CPQ: variants seen among roughly 807,000 people sequenced by gnomAD.
The protein encoded by CPQ is Ser-Met dipeptidase.
In CPQ, 37 loss-of-function variants were observed where a neutral mutation model predicts 45.7. That is an observed-to-expected ratio of 0.81 (90% CI 0.62 to 1.07). CPQ has a LOEUF of 1.07. Ranked by LOEUF, CPQ falls within the 50% of genes least tolerant of loss-of-function variation. The probability of loss-of-function intolerance (pLI) is 0.00; values close to 1 mark genes in which losing one functional copy is unlikely to be tolerated. For synonymous variants in CPQ, 186 were observed against 205.8 expected, an observed-to-expected ratio of 0.90 and a Z score of 0.82; for missense variants, 537 against 572.9, an observed-to-expected ratio of 0.94 and a Z score of 0.64.
chr8:97,119,145 A>G (rs768020905), intron 7 of CPQ, among the ~76,000 whole-genome samples: 3 of 152,048 alleles, frequency 2.0e-5, no homozygotes, highest in Non-Finnish European at 4.4e-5. Context: ...CCTGGCCAAC[A>G]TGGTGAAACC....
chr8:97,121,985 G>A (rs1281274138), intron 7 of CPQ, among the ~76,000 whole-genome samples: 1 of 152,000 alleles, frequency 6.6e-6, no homozygotes, highest in Non-Finnish European at 1.5e-5. Context: ...AGATAAAAAG[G>A]CTCTTGTAAA....
chr8:96,847,270 G>A (rs745509175), intron 3 of CPQ, among the ~76,000 whole-genome samples: 21 of 152,118 alleles, frequency 1.4e-4, no homozygotes, highest in African/African-American at 4.1e-4. Context: ...TTTAACATCC[G>A]TTGATGACCC....
At chr8:96,762,639 C>T (rs537109300) in intron 1 of CPQ, among the ~76,000 whole-genome samples, 3 of 152,270 alleles carry the variant, frequency 2.0e-5, no homozygotes, top group Non-Finnish European at 4.4e-5. Context: ...TCCCAAGAAG[C>T]TCTGCTTATG....
intron 1 of CPQ, among the ~76,000 whole-genome samples, chr8:96,706,618 G>T (rs1161375015): frequency 1.3e-5 from 2 of 152,154 alleles, no homozygotes; most frequent in African/African-American, 4.8e-5. Context: ...ACAGCTTAAT[G>T]TTAAAATGGG....
At chr8:97,093,818 A>G (rs2130569629) in intron 7 of CPQ, among the ~76,000 whole-genome samples, 1 of 152,284 alleles carries the variant, frequency 6.6e-6, no homozygotes, top group Middle Eastern at 3.4e-3. Context: ...TCCGCTATTC[A>G]TTTGCCTTCT....
At chr8:96,846,437 T>C (rs1466585308) in intron 3 of CPQ, among the ~76,000 whole-genome samples, 2 of 152,180 alleles carry the variant, frequency 1.3e-5, no homozygotes, top group Non-Finnish European at 2.9e-5. Flanking sequence ...TTTCCCATCT[T>C]TTGTGTCATA....
intron 6 of CPQ, among the ~76,000 whole-genome samples, chr8:97,053,297 A>G (rs1317771706): frequency 1.3e-5 from 2 of 152,208 alleles, no homozygotes. Context: ...AATAAATTGG[A>G]TAAATAAGTA....
At chr8:96,724,133 A>T (rs1586374055) in intron 1 of CPQ, among the ~76,000 whole-genome samples, 1 of 151,686 alleles carries the variant, frequency 6.6e-6, no homozygotes, top group East Asian at 1.9e-4. Flanking sequence ...ATCTGTATGC[A>T]TTCTCTCTCT....
intron 3 of CPQ, among the ~76,000 whole-genome samples, chr8:96,843,111 T>C (rs893176152): frequency 6.6e-6 from 1 of 152,152 alleles, no homozygotes; most frequent in Non-Finnish European, 1.5e-5. Context: ...GTCACCATGT[T>C]GGCCAGGCTG....
intron 4 of CPQ, among the ~76,000 whole-genome samples, chr8:96,897,535 T>C (rs78572146): frequency 6.8e-4 from 104 of 152,290 alleles, no homozygotes; most frequent in Non-Finnish European, 1.2e-3. Flanking sequence ...TGACCTCACA[T>C]GTTGGGTCAC....
At chr8:96,826,933 C>A (rs372667492) in intron 2 of CPQ, among the ~76,000 whole-genome samples, 1 of 151,988 alleles carries the variant, frequency 6.6e-6, no homozygotes. Flanking sequence ...TCCAGCTCCA[C>A]CCATGACCCT....
intron 7 of CPQ, among the ~76,000 whole-genome samples, chr8:97,109,427 T>C (rs1811463847): frequency 6.6e-6 from 1 of 152,148 alleles, no homozygotes; most frequent in Non-Finnish European, 1.5e-5. Flanking sequence ...GTTGAGACAT[T>C]GGAGGATGTC....
At chr8:97,128,821 C>T (rs537177906) in intron 7 of CPQ, among the ~76,000 whole-genome samples, 96 of 152,322 alleles carry the variant, frequency 6.3e-4, no homozygotes, top group Non-Finnish European at 1.3e-3. Flanking sequence ...AGAAAAGGCT[C>T]AACAGCCATA....
chr8:96,844,355 T>C (rs960172382), intron 3 of CPQ, among the ~76,000 whole-genome samples: 9 of 152,338 alleles, frequency 5.9e-5, no homozygotes, highest in South Asian at 4.1e-4. Flanking sequence ...AAATGACCCA[T>C]TGGCCTCTTT....
At chr8:97,046,073 C>A (rs1810250635) in intron 6 of CPQ, among the ~76,000 whole-genome samples, 1 of 152,168 alleles carries the variant, frequency 6.6e-6, no homozygotes, top group African/African-American at 2.4e-5. Context: ...CTTACTTGAT[C>A]ATTCCTGAGT....
intron 2 of CPQ, among the ~76,000 whole-genome samples, chr8:96,809,188 A>G (rs1455185648): frequency 6.6e-6 from 1 of 151,920 alleles, no homozygotes; most frequent in East Asian, 1.9e-4. Context: ...CTATATATAT[A>G]ATATACATAT....
intron 2 of CPQ, among the ~76,000 whole-genome samples, chr8:96,815,091 T>G (rs1811210203): frequency 6.6e-6 from 1 of 152,026 alleles, no homozygotes; most frequent in Non-Finnish European, 1.5e-5. Context: ...TCAAAATTGA[T>G]TGTGGTGATG....
chr8:96,854,816 C>T (rs576888659), intron 3 of CPQ, among the ~76,000 whole-genome samples: 55 of 152,172 alleles, frequency 3.6e-4, no homozygotes, highest in Non-Finnish European at 3.8e-4. Context: ...TAATTCCAAT[C>T]CTAAAGCTAG....
chr8:96,999,629 C>T (rs1049515827), intron 5 of CPQ, among the ~76,000 whole-genome samples: 8 of 151,950 alleles, frequency 5.3e-5, no homozygotes, highest in Non-Finnish European at 1.0e-4. Context: ...TTTTCTTTAT[C>T]GAGCCTAACA....
Sources: gnomAD v4.1 joint callset for allele counts (sites outside exome capture counted in the v4.1 genomes callset) on GRCh38, gnomAD v4.1.1 for gene constraint, MANE v1.5 for transcripts, NCBI Gene and HGNC (gene_info 2026-07-23, HGNC 2026-07-21) for gene names.